The following PDE4D variants were observed in gnomAD, a reference collection of about 807,000 sequenced individuals.
The protein encoded by PDE4D is 3',5'-cyclic-AMP phosphodiesterase 4D.
A neutral mutation model predicts 87.4 loss-of-function variants in PDE4D; 24 were observed. The observed-to-expected ratio is 0.27, with a 90% confidence interval of 0.20 to 0.39. The LOEUF is 0.39. Among genes scored for constraint, PDE4D ranks in the 10% least tolerant of loss-of-function variants. The probability of loss-of-function intolerance (pLI) is 1.00; values close to 1 mark genes in which losing one functional copy is unlikely to be tolerated. For missense variants in PDE4D, 714 were observed against 1,041.0 expected (o/e 0.69, Z 4.32); for synonymous variants, 384 against 383.2 (o/e 1.00, Z -0.02).
intron 1 of PDE4D, among the ~76,000 whole-genome samples, chr5:59,654,406 G>T (rs1744025143): frequency 6.6e-6 from 1 of 152,148 alleles, no homozygotes; most frequent in Admixed American, 6.5e-5. Flanking sequence ...AAAAGCATCA[G>T]TTTACTGACA....
intron 1 of PDE4D, among the ~76,000 whole-genome samples, chr5:59,616,945 A>ATATATATATC (rs936160133): frequency 5.6e-4 from 77 of 137,260 alleles, no homozygotes; most frequent in African/African-American, 1.9e-3. Context: ...ATATATATAT[A>ATATATATATC]TCTCCAAGAT....
At chr5:60,091,112 A>C (rs868795658) in intron 2 of PDE4D, among the ~76,000 whole-genome samples, 1 of 152,210 alleles carries the variant, frequency 6.6e-6, no homozygotes, top group African/African-American at 2.4e-5. Context: ...TTTAGGTAAG[A>C]CCTCAAAAAC....
At chr5:59,025,901 T>C (rs1006465468) in intron 6 of PDE4D, among the ~76,000 whole-genome samples, 1 of 152,232 alleles carries the variant, frequency 6.6e-6, no homozygotes, top group Non-Finnish European at 1.5e-5. Context: ...ATGGTGCCTA[T>C]GGCTGCACAG....
At chr5:58,986,424 C>T (rs188015497) in intron 11 of PDE4D, among the ~76,000 whole-genome samples, 116 of 150,744 alleles carry the variant, frequency 7.7e-4, no homozygotes, top group Non-Finnish European at 1.3e-3. Flanking sequence ...ATCCATCCAT[C>T]GGCTGTGGAC....
intron 1 of PDE4D, among the ~76,000 whole-genome samples, chr5:60,300,835 C>T (rs1348745385): frequency 3.3e-5 from 5 of 151,932 alleles, no homozygotes; most frequent in African/African-American, 7.3e-5. Flanking sequence ...TGCAGTGGCA[C>T]GATCTCAGCT....
Position 59,336,493 on chromosome 5 carries a change from C to A in PDE4D, c.456-120525G>T, listed in dbSNP as rs141824781. Among the ~76,000 whole-genome samples, 181 of 152,256 alleles carry A rather than the reference C, an allele frequency of 1.2e-3. 4 individuals carry two copies. The East Asian group carries it at 0.033, about 27-fold the overall frequency. ...TAGCCATGGTTGTTGTTGTTAGAAG[C>A]AGGTGTAATTAATAAAAGTTTAGCT... On this transcript the variant is annotated intron_variant, in intron 1 of 14. Coordinates refer to ENST00000340635, the MANE Select transcript of PDE4D (RefSeq NM_001104631.2).
chr5:60,521,090 T>C (rs528008301), intron 1 of PDE4D: 2 of 152,490 alleles, frequency 1.3e-5, no homozygotes, highest in African/African-American at 4.8e-5. Flanking sequence ...CCACCCACTT[T>C]GGCCTCACCA....
chr5:60,515,951 T>C (rs753837534), intron 1 of PDE4D, among the ~76,000 whole-genome samples: 3 of 152,356 alleles, frequency 2.0e-5, no homozygotes, highest in Non-Finnish European at 4.4e-5. Flanking sequence ...GTGAAATCTA[T>C]CTCTTATTGA....
intron 1 of PDE4D, among the ~76,000 whole-genome samples, chr5:60,481,633 T>A (rs554827925): frequency 6.6e-6 from 1 of 152,196 alleles, no homozygotes; most frequent in Non-Finnish European, 1.5e-5. Flanking sequence ...AGCCATTTCA[T>A]CTTCCTTGAC....
At chr5:60,442,207 T>C (rs889170735) in intron 1 of PDE4D, among the ~76,000 whole-genome samples, 4 of 152,130 alleles carry the variant, frequency 2.6e-5, no homozygotes, top group African/African-American at 9.7e-5. Context: ...CCATCAATGA[T>C]AGACTGGATA....
intron 1 of PDE4D, among the ~76,000 whole-genome samples, chr5:59,421,420 C>G (rs115074326): frequency 6.6e-6 from 1 of 152,192 alleles, no homozygotes; most frequent in African/African-American, 2.4e-5. Flanking sequence ...ACTTCAGAGG[C>G]TCTTACAGTA....
At chr5:60,440,656 A>T (rs530645459) in intron 1 of PDE4D, among the ~76,000 whole-genome samples, 30 of 152,256 alleles carry the variant, frequency 2.0e-4, no homozygotes, top group African/African-American at 7.2e-4. Context: ...AAAAATGCAC[A>T]ATGTGTTTAG....
chr5:60,475,823 G>GAAAAAAAAAAAAA (rs397792795), intron 1 of PDE4D, among the ~76,000 whole-genome samples: 1 of 95,064 alleles, frequency 1.1e-5, no homozygotes, highest in Non-Finnish European at 2.2e-5. Context: ...TCTGTTAAAT[G>GAAAAAAAAAAAAA]AAAAAAAAAA....
intron 2 of PDE4D, among the ~76,000 whole-genome samples, chr5:60,064,932 C>T (rs1355840108): frequency 6.6e-6 from 1 of 152,178 alleles, no homozygotes; most frequent in Non-Finnish European, 1.5e-5. Context: ...CACCCTATTA[C>T]TGCCTTGACT....
chr5:59,401,314 G>T lies in PDE4D; in HGVS notation c.456-185346C>A, dbSNP rs934618198. Among the ~76,000 whole-genome samples, 9 of 152,082 alleles carry T rather than the reference G, an allele frequency of 5.9e-5. No homozygotes were observed. In the East Asian group the frequency reaches 1.7e-3, roughly 29 times the overall value. On this transcript the variant is annotated intron_variant, in intron 1 of 14. Transcript: ENST00000340635. ...TTAAAAATTAGCTGGACATGGTGGT[G>T]CACACCTGTAGACCTGCACACCTGT...
At chr5:60,344,168 G>A (rs547225863) in intron 1 of PDE4D, among the ~76,000 whole-genome samples, 1 of 152,152 alleles carries the variant, frequency 6.6e-6, no homozygotes, top group South Asian at 2.1e-4. Flanking sequence ...AAGGTTAGAA[G>A]TATATGAAAA....
chr5:59,229,276 T>C (rs1754600030), intron 1 of PDE4D, among the ~76,000 whole-genome samples: 1 of 152,204 alleles, frequency 6.6e-6, no homozygotes, highest in Non-Finnish European at 1.5e-5. Context: ...CGGTACTTTT[T>C]CTATACCGGT....
intron 5 of PDE4D, among the ~76,000 whole-genome samples, chr5:59,163,332 C>T (rs1298380682): frequency 8.1e-5 from 12 of 147,328 alleles, no homozygotes; most frequent in Admixed American, 6.9e-4. Context: ...AGTGCAATGG[C>T]GCGATCTCAG....
At chr5:60,305,330 A>C (rs1754394139) in intron 1 of PDE4D, among the ~76,000 whole-genome samples, 1 of 152,142 alleles carries the variant, frequency 6.6e-6, no homozygotes, top group African/African-American at 2.4e-5. Flanking sequence ...AATTAAAAGC[A>C]AAGTAGAAGA....
Sources: gnomAD v4.1 joint callset for allele counts (sites outside exome capture counted in the v4.1 genomes callset) on GRCh38, gnomAD v4.1.1 for gene constraint, MANE v1.5 for transcripts, NCBI Gene and HGNC (gene_info 2026-07-23, HGNC 2026-07-21) for gene names.